TPD52: variants seen among roughly 807,000 people sequenced by gnomAD.
TPD52 encodes tumor protein D52.
TPD52 carries 17 observed loss-of-function variants against 31.3 expected under a neutral mutation model. The observed-to-expected ratio is 0.54, with a 90% confidence interval of 0.37 to 0.82. TPD52 has a LOEUF of 0.82. Among genes scored for constraint, TPD52 ranks in the 40% least tolerant of loss-of-function variants. The pLI is 0.00. For synonymous variants in TPD52, 83 were observed against 89.6 expected (o/e 0.93, Z 0.42); for missense variants, 212 against 240.1 (o/e 0.88, Z 0.77).
chr8:80,080,630 G>T (rs1251205950), intron 1 of TPD52: 1 of 1,354,090 alleles, frequency 7.4e-7, no homozygotes, highest in East Asian at 2.6e-5. Flanking sequence ...GAGCCTTCAC[G>T]CCCCTCCTGA....
chr8:80,125,590 T>G (rs1281553920), intron 1 of TPD52, among the ~76,000 whole-genome samples: 1 of 152,062 alleles, frequency 6.6e-6, no homozygotes, highest in Non-Finnish European at 1.5e-5. Flanking sequence ...ACTACTGCAG[T>G]TCATTCAACC....
intron 1 of TPD52, among the ~76,000 whole-genome samples, chr8:80,128,704 T>TA (rs1046653723): frequency 6.6e-6 from 1 of 151,538 alleles, no homozygotes; most frequent in African/African-American, 2.4e-5. Flanking sequence ...TGTTAAATAT[T>TA]AAAAAAATTA....
At chr8:80,090,450 G>A (rs1013883936) in intron 1 of TPD52, among the ~76,000 whole-genome samples, 11 of 152,168 alleles carry the variant, frequency 7.2e-5, no homozygotes, top group Admixed American at 1.3e-4. Flanking sequence ...AGTGGGGATG[G>A]GGAGGGGCGG....
At chr8:80,129,892 G>A (rs776604621) in intron 1 of TPD52, among the ~76,000 whole-genome samples, 5 of 152,072 alleles carry the variant, frequency 3.3e-5, no homozygotes, top group Non-Finnish European at 5.9e-5. Flanking sequence ...TAGAGACGGG[G>A]TTTCACCATG....
intron 1 of TPD52, among the ~76,000 whole-genome samples, chr8:80,088,729 G>C (rs545227864): frequency 6.6e-6 from 1 of 152,276 alleles, no homozygotes; most frequent in East Asian, 1.9e-4. Context: ...TCTTTAGGAG[G>C]TAATTAAGAT....
intron 5 of TPD52, among the ~76,000 whole-genome samples, chr8:80,044,771 C>T (rs538188944): frequency 6.6e-5 from 10 of 152,160 alleles, no homozygotes; most frequent in Non-Finnish European, 1.2e-4. Flanking sequence ...TTCCTAGGCT[C>T]GTAAAATGAT....
In TPD52 at chr8:80,064,523, G is replaced by A. The variant is rs1386141834; in HGVS notation, c.90C>T (p.Thr30=). The A allele has an allele frequency of 6.2e-7, 1 of 1,613,982 alleles. No individual in the cohort carries two copies. Among genetic ancestry groups the A allele is most frequent in the African/African-American group, 1.3e-5 (1 of 74,906 alleles). Residue 30 remains threonine, a synonymous_variant, in exon 2 of 8, where the codon ACC becomes ACT. Coordinates refer to ENST00000518937, the MANE Select transcript of TPD52 (RefSeq NM_001025253.3). The part of the protein sequence containing the change: ...DVAATISATE[T]LSEEEQEELR... Reference sequence around the variant, plus strand: ...GCTCTTCCTGCTCCTCTTCCGAGAGGGTCTCTGTGGCACTGATCGTGGCAG... The same window carrying A: ...GCTCTTCCTGCTCCTCTTCCGAGAGAGTCTCTGTGGCACTGATCGTGGCAG...
chr8:80,048,602 T>C (rs750189608), intron 5 of TPD52, among the ~76,000 whole-genome samples: 9 of 152,268 alleles, frequency 5.9e-5, no homozygotes, highest in Non-Finnish European at 1.2e-4. Context: ...TGAGGGAACG[T>C]GGCCAATATT....
chr8:80,033,703 G>A (rs529526894), downstream of TPD52, among the ~76,000 whole-genome samples: 26 of 152,304 alleles, frequency 1.7e-4, no homozygotes, highest in African/African-American at 5.8e-4. Flanking sequence ...GGGTGAGCAA[G>A]GCAGAGAGGA....
intron 5 of TPD52, 44 bp from the exon 6 acceptor site, chr8:80,044,252 G>A (rs968460735): frequency 1.4e-6 from 2 of 1,454,976 alleles, no homozygotes; most frequent in Non-Finnish European, 9.2e-7. Context: ...GGTTAGTATA[G>A]TGGTGCTTCA....
intron 1 of TPD52, among the ~76,000 whole-genome samples, chr8:80,090,860 C>T (rs1287326257): frequency 6.6e-6 from 1 of 152,200 alleles, no homozygotes; most frequent in Non-Finnish European, 1.5e-5. Flanking sequence ...ATTTGGCCCA[C>T]TGACTTGCAA....
At chr8:80,050,750 C>T (rs1035028406) in intron 4 of TPD52, among the ~76,000 whole-genome samples, 1 of 152,068 alleles carries the variant, frequency 6.6e-6, no homozygotes, top group African/African-American at 2.4e-5. Context: ...CATAAATTGA[C>T]CAAATCTATT....
At chr8:80,088,603 G>T (rs895864495) in intron 1 of TPD52, among the ~76,000 whole-genome samples, 1 of 152,120 alleles carries the variant, frequency 6.6e-6, no homozygotes, top group African/African-American at 2.4e-5. Context: ...GAGGGGAGAG[G>T]GAAGTCAGGA....
chr8:80,162,909 G>T (rs1205888655), intron 1 of TPD52, among the ~76,000 whole-genome samples: 1 of 151,872 alleles, frequency 6.6e-6, no homozygotes, highest in East Asian at 1.9e-4. Context: ...CTGGGTGACA[G>T]AGTGAGACTG....
intron 1 of TPD52, among the ~76,000 whole-genome samples, chr8:80,071,411 C>A (rs1281828691): frequency 6.6e-6 from 1 of 152,134 alleles, no homozygotes; most frequent in African/African-American, 2.4e-5. Flanking sequence ...AATTGCTTCT[C>A]TCTCCTTTCG....
intron 1 of TPD52, among the ~76,000 whole-genome samples, chr8:80,134,744 C>T (rs188448517): frequency 6.6e-6 from 1 of 152,276 alleles, no homozygotes; most frequent in Non-Finnish European, 1.5e-5. Flanking sequence ...AAAGTGGATC[C>T]GTTAGTCCAT....
intron 1 of TPD52, chr8:80,066,930 A>T (rs1344346005): frequency 6.6e-6 from 1 of 152,242 alleles, no homozygotes; most frequent in East Asian, 1.9e-4. Context: ...TGTTTTGTAC[A>T]GAACTCCCAG....
chr8:80,120,332 T>C (rs1234150771), intron 1 of TPD52, among the ~76,000 whole-genome samples: 1 of 152,032 alleles, frequency 6.6e-6, no homozygotes, highest in East Asian at 1.9e-4. Flanking sequence ...CTACTGAAAC[T>C]GCAAAAATTA....
chr8:80,106,789 T>A (rs1807153555), intron 1 of TPD52, among the ~76,000 whole-genome samples: 1 of 150,394 alleles, frequency 6.6e-6, no homozygotes, highest in Non-Finnish European at 1.5e-5. Flanking sequence ...TCTGTGGCCA[T>A]GAGACCCAAT....
Sources: allele counts gnomAD v4.1 joint callset (sites outside exome capture counted in the v4.1 genomes callset), GRCh38; gene constraint gnomAD v4.1.1; transcripts MANE v1.5; gene names NCBI Gene and HGNC (gene_info 2026-07-23, HGNC 2026-07-21).